NRDE2: variants seen among roughly 807,000 people sequenced by gnomAD.
The protein encoded by NRDE2 is NRDE-2, necessary for RNA interference, domain containing.
NRDE2 carries 76 observed loss-of-function variants against 124.2 expected under a neutral mutation model. That is an observed-to-expected ratio of 0.61 (90% CI 0.51 to 0.74). NRDE2 has a LOEUF of 0.74. Among genes scored for constraint, NRDE2 ranks in the 30% least tolerant of loss-of-function variants. NRDE2 has a pLI of 0.00. For missense variants in NRDE2, 1,314 were observed against 1,417.3 expected (o/e 0.93, Z 1.17); for synonymous variants, 489 against 528.1 (o/e 0.93, Z 1.01).
intron 12 of NRDE2, among the ~76,000 whole-genome samples, chr14:90,282,802 G>C (rs960654123): frequency 1.3e-5 from 2 of 152,016 alleles, no homozygotes; most frequent in Non-Finnish European, 2.9e-5. Flanking sequence ...CGAGTAGCTG[G>C]GATTACAGAC....
At position 90,292,716 on chromosome 14, in the gene NRDE2, C is replaced by CA; in HGVS notation, c.1822dup (p.Cys608LeufsTer2). 6.2e-7 allele frequency: 1 copy of CA among 1,614,060 alleles called. No homozygotes were observed. Among genetic ancestry groups the CA allele is most frequent in the Non-Finnish European group, 8.5e-7 (1 of 1,179,904 alleles). ...ACATGCCTGTCTCTCGGGATCCTCA[C>CA]AGTCTTCCTCGGTTTGCTTCTTGGT... On this transcript the variant is annotated frameshift_variant, in exon 9 of 14. Coordinates refer to ENST00000354366, the MANE Select transcript of NRDE2 (RefSeq NM_017970.4). LOFTEE classifies it high-confidence loss of function.
rs1038622742 is a variant in NRDE2, at chr14:90,301,469, C to G, written c.1412-97G>C. The G allele has an allele frequency of 1.3e-5, 14 of 1,076,060 alleles. No homozygotes were observed. In the African/African-American group the frequency reaches 2.0e-4, roughly 16 times the overall value. 66.7% of individuals were successfully genotyped at this position (1,076,060 alleles called of 1,614,324 possible). ...ACAGGCAATTAACACATTGAGAACA[C>G]CTTTCACCTGCAATCACTATTAATT... On this transcript the variant is annotated intron_variant, in intron 6 of 13. Transcript: ENST00000354366.
rs1340107173 is a variant in NRDE2, at chr14:90,290,471, G to A, written c.1979C>T (p.Ala660Val). 6.2e-7 allele frequency: 1 copy of A among 1,613,878 alleles called. No homozygotes were observed. The highest frequency in any genetic ancestry group is 8.5e-7 in the Non-Finnish European group (1 of 1,180,034). The change falls in exon 10 of 14, where the codon GCC becomes GTC. Residue 660 changes from alanine (A) to valine (V), a missense_variant. Physicochemically the swap from Ala to Val is moderately conservative, Grantham distance 64. Coordinates refer to ENST00000354366, the MANE Select transcript of NRDE2 (RefSeq NM_017970.4). ...ATCAAAGATGCTGTTCTCATCCATG[G>A]CCAGATAAAGACAGGAGGCTGGAGG... ...FTPPASCLYL[A>V]MDENSIFDNG... is the part of the protein sequence containing the mutation.
At chr14:90,279,016 G>A (rs2139662952) in intron 13 of NRDE2, 46 bp downstream of exon 13, 1 of 1,373,512 alleles carries the variant, frequency 7.3e-7, no homozygotes, top group Non-Finnish European at 1.0e-6. Flanking sequence ...GAGACCTGGC[G>A]GGAAGTTTTC....
chr14:90,316,222 A>T (rs878919562), intron 3 of NRDE2, among the ~76,000 whole-genome samples: 1 of 152,194 alleles, frequency 6.6e-6, no homozygotes, highest in Admixed American at 6.6e-5. Flanking sequence ...CAGAGAAAGA[A>T]GATGTTTCTC....
chr14:90,317,955 T>C (rs374846846), intron 2 of NRDE2, 50 bp downstream of exon 2: 15 of 1,367,042 alleles, frequency 1.1e-5, no homozygotes, highest in Middle Eastern at 1.8e-4. Context: ...AGCTAAGCTA[T>C]AGACAGTAAA....
chr14:90,316,449 G>A, intron 3 of NRDE2, 129 bp downstream of exon 3: 1 of 665,608 alleles, frequency 1.5e-6, no homozygotes, highest in Non-Finnish European at 2.6e-6. Context: ...TTTTTAAGCT[G>A]ATATAATGGT....
chr14:90,326,216 C>T (rs1343739878), intron 1 of NRDE2, among the ~76,000 whole-genome samples: 3 of 152,146 alleles, frequency 2.0e-5, no homozygotes, highest in South Asian at 2.1e-4. Flanking sequence ...AGAGGGAGGC[C>T]GGGCGCGGTG....
In NRDE2 at chr14:90,278,308, C is replaced by A. The variant is rs749024128; in HGVS notation, c.*28G>T. 1.2e-6 allele frequency: 2 copies of A among 1,613,610 alleles called. No homozygotes were observed. The highest frequency in any genetic ancestry group is 1.7e-6 in the Non-Finnish European group (2 of 1,179,760). On this transcript the variant is annotated 3_prime_UTR_variant, in exon 14 of 14. Transcript: ENST00000354366. Reference sequence around the variant, plus strand: ...CCGCAGGGTGGGCAACTTGGCCTCGCAGGCACAGCCCGTTTTCCCGCTGCT... The same window carrying A: ...CCGCAGGGTGGGCAACTTGGCCTCGAAGGCACAGCCCGTTTTCCCGCTGCT...
chr14:90,288,297 C>G lies in NRDE2; in HGVS notation c.3078G>C (p.Arg1026Ser). The change falls in exon 11 of 14, where the codon AGG becomes AGC. Residue 1026 changes from arginine to serine, a missense_variant. By Grantham distance (110) the Arg-to-Ser change is moderately radical. Coordinates refer to ENST00000354366, the MANE Select transcript of NRDE2 (RefSeq NM_017970.4). ...KTRRFFDTITRSAKPLEPWLF... is the reference protein window; with the variant it reads ...KTRRFFDTITSSAKPLEPWLF... Reference sequence around the variant, plus strand: ...ACCAAGGCTCCAAGGGTTTGGCAGACCTGGTGATTGTGTCAAAAAATCTCC... The same window carrying G: ...ACCAAGGCTCCAAGGGTTTGGCAGAGCTGGTGATTGTGTCAAAAAATCTCC... 1 of 1,614,192 alleles carries G rather than the reference C, an allele frequency of 6.2e-7. No individual in the cohort carries two copies.
Position 90,309,154 on chromosome 14 carries a change from C to T in NRDE2, c.557+3240G>A, listed in dbSNP as rs1390102971. Among the ~76,000 whole-genome samples, 4 of 151,862 alleles carry T rather than the reference C, an allele frequency of 2.6e-5. No individual in the cohort carries two copies. The East Asian group carries it at 7.7e-4, about 29-fold the overall frequency. On this transcript the variant is annotated intron_variant, in intron 4 of 13. Coordinates refer to ENST00000354366, the MANE Select transcript of NRDE2 (RefSeq NM_017970.4). ...CCATGCATGTGAGTTGGGTCGCACG[C>T]ATTGGCCCAAGAGAAAAAAGAAAGA...
chr14:90,278,628 G>A, intron 13 of NRDE2, 167 bp from the exon 14 acceptor site: 1 of 756,284 alleles, frequency 1.3e-6, no homozygotes, highest in Non-Finnish European at 2.1e-6. Context: ...CACTGGGCAT[G>A]TTCAGGAAGG....
intron 8 of NRDE2, among the ~76,000 whole-genome samples, chr14:90,293,365 C>T (rs1254656075): frequency 6.6e-6 from 1 of 152,134 alleles, no homozygotes; most frequent in Non-Finnish European, 1.5e-5. Flanking sequence ...ATTCTCCTGC[C>T]TCAGCTTCCT....
At chr14:90,289,263 G>A (rs1892205148) in intron 10 of NRDE2, 118 bp from the exon 11 acceptor site, 15 of 806,700 alleles carry the variant, frequency 1.9e-5, no homozygotes, top group Non-Finnish European at 2.8e-5. Context: ...CTTTATCACG[G>A]GTCTGGTAAA....
At chr14:90,282,454 G>A (rs1891979434) in intron 12 of NRDE2, among the ~76,000 whole-genome samples, 1 of 151,152 alleles carries the variant, frequency 6.6e-6, no homozygotes, top group African/African-American at 2.4e-5. Context: ...CCAGCAGCCT[G>A]GGCAATAAGA....
intron 6 of NRDE2, among the ~76,000 whole-genome samples, chr14:90,301,583 T>A (rs1195048214): frequency 6.6e-6 from 1 of 152,152 alleles, no homozygotes; most frequent in African/African-American, 2.4e-5. Flanking sequence ...TATGAAAGCA[T>A]CACAGAACAC....
At chr14:90,292,943 T>C (rs996406841) in intron 8 of NRDE2, 71 bp from the exon 9 acceptor site, 1 of 1,449,012 alleles carries the variant, frequency 6.9e-7, no homozygotes, top group Middle Eastern at 1.8e-4. Context: ...CAGCCTGCTA[T>C]GTCAGGGACT....
In NRDE2 at chr14:90,269,894, T is replaced by C. The variant is rs886307062; in HGVS notation, c.*8442A>G. 5 of 378,050 alleles carry C rather than the reference T, an allele frequency of 1.3e-5. No homozygotes were observed. Among genetic ancestry groups the C allele is most frequent in the Non-Finnish European group, 2.4e-5 (5 of 212,672 alleles). 23.4% of individuals were successfully genotyped at this position (378,050 alleles called of 1,614,324 possible). ...GGTAGCATCAGAAGAAACAGTGATT[T>C]GTTTGCTGTCTTTTGTAATGTTTTT... On this transcript the variant is annotated 3_prime_UTR_variant, in exon 14 of 14. Coordinates refer to ENST00000354366, the MANE Select transcript of NRDE2 (RefSeq NM_017970.4).
At chr14:90,305,177 T>C (rs1884554048) in intron 4 of NRDE2, among the ~76,000 whole-genome samples, 1 of 151,692 alleles carries the variant, frequency 6.6e-6, no homozygotes, top group African/African-American at 2.4e-5. Flanking sequence ...CAACTCAACA[T>C]CCTTAGTCAA....
Sources: gnomAD v4.1 joint callset for allele counts (sites outside exome capture counted in the v4.1 genomes callset) on GRCh38, gnomAD v4.1.1 for gene constraint, MANE v1.5 for transcripts, NCBI Gene and HGNC (gene_info 2026-07-23, HGNC 2026-07-21) for gene names.